The following PRIM2 variants were observed in gnomAD, a reference collection of about 807,000 sequenced individuals.
The protein encoded by PRIM2 is DNA primase subunit 2.
A neutral mutation model predicts 67.3 loss-of-function variants in PRIM2; 39 were observed. That is an observed-to-expected ratio of 0.58 (90% CI 0.45 to 0.76). PRIM2 has a LOEUF of 0.76. PRIM2 is among the 30% of genes least tolerant of loss of function. The probability of loss-of-function intolerance (pLI) is 0.00; values close to 1 mark genes in which losing one functional copy is unlikely to be tolerated. For synonymous variants in PRIM2, 143 were observed against 198.7 expected, an observed-to-expected ratio of 0.72 and a Z score of 2.36; for missense variants, 398 against 598.7, an observed-to-expected ratio of 0.66 and a Z score of 3.50.
rs1180967017 is a variant in PRIM2, at chr6:57,490,203, C to T, written c.694-17184C>T. On this transcript the variant is annotated intron_variant, in intron 7 of 13. Coordinates refer to ENST00000615550, the MANE Select transcript of PRIM2 (RefSeq NM_000947.5). ...CTTTCTGGGACTTTAAAGGCTAATC[C>T]CTTTAAAAGAGTTACCCTTTAAAGG... Among the ~76,000 whole-genome samples, 6 of 152,120 alleles carry T rather than the reference C, an allele frequency of 3.9e-5. No individual in the cohort carries two copies. In the South Asian group the frequency reaches 6.2e-4, roughly 16 times the overall value.
At chr6:57,503,741 G>A (rs1260566466) in intron 7 of PRIM2, among the ~76,000 whole-genome samples, 1 of 150,670 alleles carries the variant, frequency 6.6e-6, no homozygotes, top group African/African-American at 2.5e-5. Context: ...GGGTGACAAA[G>A]CAAGGCTCTG....
chr6:57,489,750 A>G (rs1236145782), intron 7 of PRIM2, among the ~76,000 whole-genome samples: 2 of 152,276 alleles, frequency 1.3e-5, no homozygotes, highest in East Asian at 1.9e-4. Context: ...AAAACTAACC[A>G]TGGAGAAACT....
At chr6:57,270,897 T>C in the PRIM2 span, among the ~76,000 whole-genome samples, 1 of 152,042 alleles carries the variant, frequency 6.6e-6, no homozygotes, top group African/African-American at 2.4e-5. Context: ...ATGTGGTTTT[T>C]GTCTTTGGTT....
intron 8 of PRIM2, among the ~76,000 whole-genome samples, chr6:57,522,983 C>T (rs1176941375): frequency 1.3e-5 from 2 of 152,066 alleles, no homozygotes; most frequent in African/African-American, 4.8e-5. Context: ...CTAAATTCTC[C>T]TATTAATACT....
At chr6:57,487,434 G>T (rs1388427777) in intron 7 of PRIM2, among the ~76,000 whole-genome samples, 3 of 152,162 alleles carry the variant, frequency 2.0e-5, no homozygotes, top group Admixed American at 6.5e-5. Context: ...TTACCATGTT[G>T]CCCAGGCTGG....
At chr6:57,380,153 T>C (rs1769907835) in intron 6 of PRIM2, 157 bp downstream of exon 6, 1 of 223,808 alleles carries the variant, frequency 4.5e-6, no homozygotes, top group Non-Finnish European at 7.5e-6. Context: ...GGTGTGCCAA[T>C]GTTCTCTCCT....
At chr6:57,630,599 G>A (rs1582028820) in intron 12 of PRIM2, among the ~76,000 whole-genome samples, 1 of 151,196 alleles carries the variant, frequency 6.6e-6, no homozygotes, top group Non-Finnish European at 1.5e-5. Context: ...TGTATATCAT[G>A]TTACATATTT....
chr6:57,551,907 T>C (rs1209090927), intron 10 of PRIM2, among the ~76,000 whole-genome samples: 1 of 152,214 alleles, frequency 6.6e-6, no homozygotes, highest in East Asian at 1.9e-4. Flanking sequence ...AACTCTAGGC[T>C]TGGCATTTTT....
chr6:57,532,445 G>C lies in PRIM2; in HGVS notation c.796G>C (p.Gly266Arg). The change falls in exon 9 of 14, where the codon GGA becomes CGA. Residue 266 changes from glycine (G) to arginine (R), a missense_variant. By Grantham distance (125) the Gly-to-Arg change is moderately radical. This residue lies in a region of PRIM2 where 229 missense variants were observed against 383.6 expected (regional missense o/e 0.60). Transcript: ENST00000615550. ...CACTGGCCAAGATTACAGTACCCAGGGAAATGTTGGGAAGATTTCTTTAGA... is the reference window on the plus strand; with the variant it reads ...CACTGGCCAAGATTACAGTACCCAGCGAAATGTTGGGAAGATTTCTTTAGA... ...SYTGQDYSTQ[G>R]NVGKISLDQI... The C allele has an allele frequency of 6.9e-7, 1 of 1,458,376 alleles. No individual in the cohort carries two copies. Among genetic ancestry groups the C allele is most frequent in the South Asian group, 1.3e-5 (1 of 76,014 alleles). 90.3% of individuals were successfully genotyped at this position (1,458,376 alleles called of 1,614,324 possible). A position where few individuals can be genotyped will look rare whatever the true frequency, so the allele number is the denominator to read the frequency against.
At chr6:57,464,122 A>C (rs1443232352) in intron 7 of PRIM2, among the ~76,000 whole-genome samples, 3 of 151,952 alleles carry the variant, frequency 2.0e-5, no homozygotes, top group African/African-American at 7.3e-5. Flanking sequence ...GATCTGCCTG[A>C]CTTGGTCACT....
rs1777330987 is a variant in PRIM2 at position 57,646,147 on chromosome 6, G to A, written c.1519G>A (p.Glu507Lys). 3.8e-6 allele frequency: 6 copies of A among 1,571,408 alleles called. No individual in the cohort carries two copies. The highest frequency in any genetic ancestry group is 5.3e-6 in the Non-Finnish European group (6 of 1,142,046). Reference protein sequence around the residue: ...DMEGLEDYFSEDS With the variant: ...DMEGLEDYFSKDS ...GGAAGGACTAGAAGATTACTTTAGT[G>A]AAGATTCTTAGGCAGTTTTATAACC... Residue 507 changes from glutamate to lysine, a missense_variant, in exon 14 of 14, where the codon GAA becomes AAA. By Grantham distance (56) the Glu-to-Lys change is moderately conservative (BLOSUM62 1). This residue lies in a region of PRIM2 where 72 missense variants were observed against 89.4 expected (regional missense o/e 0.81). Transcript: ENST00000615550.
At chr6:57,236,335 T>A in the PRIM2 span, among the ~76,000 whole-genome samples, 1 of 34,922 alleles carries the variant, frequency 2.9e-5, no homozygotes, top group South Asian at 4.4e-3. Flanking sequence ...AGCTTCCCAA[T>A]TCATTATTAT....
intron 8 of PRIM2, among the ~76,000 whole-genome samples, chr6:57,517,569 TTTAG>T (rs1774512556): frequency 6.6e-6 from 1 of 152,138 alleles, no homozygotes; most frequent in Non-Finnish European, 1.5e-5. Flanking sequence ...AGCAACCAAT[TTTAG>T]TTAATGGTAT....
intron 10 of PRIM2, among the ~76,000 whole-genome samples, chr6:57,568,864 G>C (rs1230137758): frequency 5.9e-5 from 9 of 152,360 alleles, no homozygotes; most frequent in Admixed American, 3.9e-4. Context: ...CCAGGCCCTT[G>C]CAACCTCTTT....
intron 7 of PRIM2, among the ~76,000 whole-genome samples, chr6:57,384,644 A>G (rs911233419): frequency 1.3e-5 from 2 of 152,130 alleles, no homozygotes; most frequent in African/African-American, 4.8e-5. Context: ...ATGGGGTATC[A>G]TGGGAGCTGA....
At chr6:57,317,497 G>A (rs1353217656), upstream of PRIM2, 1 of 152,654 alleles carries the variant, frequency 6.6e-6, no homozygotes, top group Admixed American at 6.5e-5. Context: ...TGCCAAGGTG[G>A]ACGGAACACC....
chr6:57,492,534 A>ACT (rs1404840146), intron 7 of PRIM2, among the ~76,000 whole-genome samples: 17 of 123,852 alleles, frequency 1.4e-4, no homozygotes, highest in Non-Finnish European at 2.5e-4. Flanking sequence ...CAGAGGGAGA[A>ACT]CTCTCTCTAA....
the PRIM2 span, among the ~76,000 whole-genome samples, chr6:57,271,736 A>C: frequency 6.6e-6 from 1 of 151,942 alleles, no homozygotes; most frequent in African/African-American, 2.4e-5. Context: ...TCCATTTTAG[A>C]TCTTTCCTGC....
At chr6:57,440,389 A>G (rs1772165587) in intron 7 of PRIM2, among the ~76,000 whole-genome samples, 1 of 152,172 alleles carries the variant, frequency 6.6e-6, no homozygotes, top group East Asian at 1.9e-4. Context: ...TCCTGGGCTC[A>G]AGCATACATC....
Sources: allele counts gnomAD v4.1 joint callset (sites outside exome capture counted in the v4.1 genomes callset), GRCh38; gene constraint gnomAD v4.1.1; regional missense constraint gnomAD v4.1.1; transcripts MANE v1.5; gene names NCBI Gene and HGNC (gene_info 2026-07-23, HGNC 2026-07-21).